The following CSRP1 variants were observed in gnomAD, a reference collection of about 807,000 sequenced individuals.
The protein encoded by CSRP1 is cysteine and glycine-rich protein 1.
In CSRP1, 16 loss-of-function variants were observed where a neutral mutation model predicts 25.4. The observed-to-expected ratio is 0.63, with a 90% CI of 0.43 to 0.96. CSRP1 has a LOEUF of 0.96. CSRP1 is among the 40% of genes least tolerant of loss of function. CSRP1 has a pLI of 0.00. For synonymous variants in CSRP1, 97 were observed against 95.3 expected (o/e 1.02, Z -0.10); for missense variants, 212 against 243.6 (o/e 0.87, Z 0.86).
chr1:201,493,384 G>A (rs1198233889), intron 2 of CSRP1, among the ~76,000 whole-genome samples: 1 of 152,236 alleles, frequency 6.6e-6, no homozygotes, highest in African/African-American at 2.4e-5. Context: ...CATGGGGGCA[G>A]CTTCCGCCAT....
chr1:201,485,394 T>C lies in CSRP1; in HGVS notation c.412-18A>G, dbSNP rs770648651. 3 of 1,611,256 alleles carry C rather than the reference T, an allele frequency of 1.9e-6. No individual in the cohort carries two copies. Among genetic ancestry groups the C allele is most frequent in the South Asian group, 1.1e-5 (1 of 90,998 alleles). ...TGCCAGGACTAGGCAGGGAAGGAAA[T>C]AGTTAATGGCTGCCACCAGTGATGA... On this transcript the variant is annotated intron_variant, in intron 4 of 5. Transcript: ENST00000340006.
At position 201,484,546 on chromosome 1, in the gene CSRP1, C is replaced by T; in HGVS notation, c.*167G>A. Reference sequence around the variant, plus strand: ...GGGGAGCCCTTTAGTGGGGTGGGACCTCAGGCAGACCCCCAAACCAAAGGG... The same window carrying T: ...GGGGAGCCCTTTAGTGGGGTGGGACTTCAGGCAGACCCCCAAACCAAAGGG... On this transcript the variant is annotated 3_prime_UTR_variant, in exon 6 of 6. Coordinates refer to ENST00000340006, the MANE Select transcript of CSRP1 (RefSeq NM_004078.3). 1 of 670,630 alleles carries T rather than the reference C, an allele frequency of 1.5e-6. No individual in the cohort carries two copies. The highest frequency in any genetic ancestry group is 2.6e-6 in the Non-Finnish European group (1 of 387,440). The allele number at this position is 670,630 out of a possible 1,614,324, so 41.5% of individuals were successfully genotyped here.
rs149370653 is a variant in CSRP1, at chr1:201,496,229, G to A, written c.75C>T (p.Cys25=). 67 of 1,614,004 alleles carry A rather than the reference G, an allele frequency of 4.2e-5. 1 individual carries two copies. The highest frequency in any genetic ancestry group is 1.1e-4 in the East Asian group (5 of 44,896). The change falls in exon 2 of 6, where the codon TGC becomes TGT. Residue 25 remains cysteine (C), a synonymous_variant. Coordinates refer to ENST00000340006, the MANE Select transcript of CSRP1 (RefSeq NM_004078.3). ...AGGATTTATGGAAGCTGTTGCCTTC[G>A]CACTGAACCTCTTCGGCAAAGTAAA... ...KTVYFAEEVQ[C]EGNSFHKSCF... is the part of the protein sequence containing the mutation.
intron 3 of CSRP1, 24 bp downstream of exon 3, chr1:201,490,152 G>T: frequency 1.9e-6 from 3 of 1,604,486 alleles, no homozygotes; most frequent in Non-Finnish European, 2.6e-6. Flanking sequence ...CAAGAAAAAG[G>T]TTGGGAGGGG....
Position 201,488,836 on chromosome 1 carries a change from T to C in CSRP1, c.411+19A>G. ...AAGATATCTCCCCCCATCCCTCTCA[T>C]GCCCAGCAGCCACCTTACCTTCCCA... On this transcript the variant is annotated intron_variant, in intron 4 of 5. Coordinates refer to ENST00000340006, the MANE Select transcript of CSRP1 (RefSeq NM_004078.3). 1 of 1,610,902 alleles carries C rather than the reference T, an allele frequency of 6.2e-7. No homozygotes were observed. Among genetic ancestry groups the C allele is most frequent in the Non-Finnish European group, 8.5e-7 (1 of 1,177,438 alleles).
chr1:201,503,935 C>T (rs748015588), intron 1 of CSRP1, among the ~76,000 whole-genome samples: 2 of 152,142 alleles, frequency 1.3e-5, no homozygotes, highest in African/African-American at 4.8e-5. Context: ...CTCAGGGGTC[C>T]CCTCTGCTCC....
intron 5 of CSRP1, 89 bp from the exon 6 acceptor site, chr1:201,484,878 G>T: frequency 8.6e-7 from 1 of 1,163,212 alleles, no homozygotes; most frequent in Non-Finnish European, 1.3e-6. Flanking sequence ...CCCACTCCTA[G>T]TGCCCAGCCA....
chr1:201,493,507 C>T (rs996048857), intron 2 of CSRP1, among the ~76,000 whole-genome samples: 2 of 152,248 alleles, frequency 1.3e-5, no homozygotes, highest in African/African-American at 4.8e-5. Context: ...TTTGCTTCTC[C>T]TTTGCCTTCT....
At chr1:201,488,031 G>A (rs570864023) in intron 4 of CSRP1, 11 of 152,358 alleles carry the variant, frequency 7.2e-5, no homozygotes, top group Non-Finnish European at 1.5e-4. Context: ...TAACCTTGTT[G>A]TGTGATCTTG....
intron 2 of CSRP1, chr1:201,490,625 T>C: frequency 2.9e-6 from 1 of 339,558 alleles, no homozygotes; most frequent in Non-Finnish European, 5.6e-6. Flanking sequence ...CTAAACTTCC[T>C]CAGGCTGCAG....
In CSRP1 at chr1:201,489,011, G is replaced by A. The variant is rs1379427485; in HGVS notation, c.282-27C>T. On this transcript the variant is annotated intron_variant, in intron 3 of 5. Coordinates refer to ENST00000340006, the MANE Select transcript of CSRP1 (RefSeq NM_004078.3). ...TGCATGGAGAAGGGCATGGGGTGAG[G>A]TGACTTACACTGTAAGTACAGGTGG... 6.2e-6 allele frequency: 10 copies of A among 1,612,456 alleles called. No homozygotes were observed. The Admixed American group carries it at 1.3e-4, about 22-fold the overall frequency.
At chr1:201,491,533 C>T (rs547577162) in intron 2 of CSRP1, 2 of 152,290 alleles carry the variant, frequency 1.3e-5, no homozygotes, top group South Asian at 2.1e-4. Flanking sequence ...CTGCATACAA[C>T]AAATGCATAA....
At chr1:201,497,358 CAAAAAAA>C (rs71564149) in intron 1 of CSRP1, among the ~76,000 whole-genome samples, 2 of 44,582 alleles carry the variant, frequency 4.5e-5, no homozygotes, top group African/African-American at 8.1e-5. Context: ...GACTCTGTCT[CAAAAAAA>C]AAAAAAAAAA....
In CSRP1 at chr1:201,488,905, G is replaced by A. The variant is rs780981595; in HGVS notation, c.361C>T (p.Arg121Ter). Residue 121 changes from arginine to a stop codon, truncating the protein, a stop_gained, in exon 4 of 6, where the codon CGA becomes TGA. Transcript: ENST00000340006. LOFTEE classifies it high-confidence loss of function. ...GCAGCATAGACTGCCTGGCTGCATC[G>A]GGGGCAGCGCTCGGAGCCACCAATC... ...QKIGGSERCP[R>*]CSQAVYAAEK... 2.3e-5 allele frequency: 37 copies of A among 1,613,820 alleles called. No individual in the cohort carries two copies. Among genetic ancestry groups the A allele is most frequent in the African/African-American group, 8.0e-5 (6 of 74,886 alleles).
rs78180361 is a variant in CSRP1, at chr1:201,494,064, G to A, written c.112+2128C>T. Among the ~76,000 whole-genome samples the A allele has an allele frequency of 8.3e-3, 1,260 of 151,988 alleles. 11 individuals are homozygous for A. The highest frequency in any genetic ancestry group is 0.012 in the Non-Finnish European group (846 of 67,958). On this transcript the variant is annotated intron_variant, in intron 2 of 5. Transcript: ENST00000340006. ...AGCGTGACCTGAGACTGCTTCCTGC[G>A]GCTGCTCATTGCATAACACCCCCGC...
chr1:201,500,984 A>C (rs1664654162), intron 1 of CSRP1, among the ~76,000 whole-genome samples: 1 of 152,208 alleles, frequency 6.6e-6, no homozygotes, highest in Admixed American at 6.5e-5. Flanking sequence ...GGTTAGGAAA[A>C]CAAGAGCTGG....
intron 5 of CSRP1, 29 bp from the exon 6 acceptor site, chr1:201,484,818 T>C (rs761664765): frequency 1.9e-6 from 3 of 1,594,200 alleles, no homozygotes; most frequent in East Asian, 4.5e-5. Flanking sequence ...GATAAGGGCA[T>C]GTTCTTCCTC....
At chr1:201,499,925 T>C (rs1011899101) in intron 1 of CSRP1, among the ~76,000 whole-genome samples, 4 of 152,158 alleles carry the variant, frequency 2.6e-5, no homozygotes, top group African/African-American at 9.7e-5. Flanking sequence ...CCCAGCCACA[T>C]CATCTCATTT....
At chr1:201,506,896 T>C (rs953470925) in intron 1 of CSRP1, 174 bp downstream of exon 1, 1 of 152,304 alleles carries the variant, frequency 6.6e-6, no homozygotes, top group Non-Finnish European at 1.5e-5. Context: ...GGGACGGACC[T>C]AGTGCCTCCA....
Sources: allele counts gnomAD v4.1 joint callset (sites outside exome capture counted in the v4.1 genomes callset), GRCh38; gene constraint gnomAD v4.1.1; transcripts MANE v1.5; gene names NCBI Gene and HGNC (gene_info 2026-07-23, HGNC 2026-07-21).